The following SAR1B variants were observed in gnomAD, a reference collection of about 807,000 sequenced individuals.
SAR1B encodes secretion associated Ras related GTPase 1B.
Under a neutral mutation model 26.8 loss-of-function variants are expected in SAR1B, and 23 were observed. That is an observed-to-expected ratio of 0.86 (90% CI 0.62 to 1.22). The LOEUF (loss-of-function observed/expected upper bound fraction) is 1.22. Among genes scored for constraint, SAR1B ranks in the 50% most tolerant of loss-of-function variants. SAR1B has a pLI of 0.00. For synonymous variants in SAR1B, 65 were observed against 80.8 expected (o/e 0.80, Z 1.05); for missense variants, 196 against 232.8 (o/e 0.84, Z 1.03).
At chr5:134,622,066 T>C (rs995882636) in intron 2 of SAR1B, among the ~76,000 whole-genome samples, 44 of 152,110 alleles carry the variant, frequency 2.9e-4, no homozygotes, top group African/African-American at 9.7e-4. Context: ...CTCCACAAAA[T>C]TACATGTGAG....
At chr5:134,612,641 T>TAAAAAAAAAAAAAAAACAAA (rs1765234466) in intron 4 of SAR1B, 50 bp downstream of exon 4, 1 of 743,780 alleles carries the variant, frequency 1.3e-6, no homozygotes, top group Non-Finnish European at 1.7e-6. Flanking sequence ...TGAGCCTGTC[T>TAAAAAAAAAAAAAAAACAAA]AAAAAAAAAA....
intron 1 of SAR1B, among the ~76,000 whole-genome samples, chr5:134,624,625 G>GTT (rs66854508): frequency 1.7e-4 from 19 of 113,242 alleles, no homozygotes; most frequent in South Asian, 1.4e-3. Flanking sequence ...AGGGAAGTGA[G>GTT]TTTTTTTTTT....
At chr5:134,608,977 T>A (rs1765172649) in intron 5 of SAR1B, 3 of 413,454 alleles carry the variant, frequency 7.3e-6, no homozygotes, top group Non-Finnish European at 1.4e-5. Context: ...AGAACCTACC[T>A]GGACTTTTCC....
chr5:134,608,907 C>A (rs1003460184), intron 5 of SAR1B: 3 of 363,258 alleles, frequency 8.3e-6, no homozygotes, highest in Non-Finnish European at 1.6e-5. Context: ...TCAAGTAATA[C>A]GCACAGTCTC....
chr5:134,617,590 C>T (rs937706107), intron 3 of SAR1B, among the ~76,000 whole-genome samples: 3 of 152,096 alleles, frequency 2.0e-5, no homozygotes, highest in African/African-American at 4.8e-5. Flanking sequence ...AATAGAGCAA[C>T]GTCAAAAAAT....
intron 2 of SAR1B, among the ~76,000 whole-genome samples, chr5:134,623,209 G>C (rs1765441946): frequency 6.6e-6 from 1 of 151,962 alleles, no homozygotes; most frequent in Non-Finnish European, 1.5e-5. Flanking sequence ...GGGAGGCTGA[G>C]GTGGGCAGAT....
chr5:134,629,129 A>G (rs1316736384), intron 1 of SAR1B, among the ~76,000 whole-genome samples: 3 of 152,000 alleles, frequency 2.0e-5, no homozygotes, highest in South Asian at 2.1e-4. Flanking sequence ...AAAAAAAAAA[A>G]AAGAAGGATG....
At position 134,621,169 on chromosome 5, in the gene SAR1B, C is replaced by G. The variant is rs769200714; in HGVS notation, c.59-117G>C. 5.7e-6 allele frequency: 7 copies of G among 1,230,648 alleles called. No homozygotes were observed. The South Asian group carries it at 8.9e-5, about 16-fold the overall frequency. The allele number at this position is 1,230,648 out of a possible 1,614,324, so 76.2% of individuals were successfully genotyped here. ...AAACCTATTTTCAGTTTTAAAAAAG[C>G]TATTTTAAATCTATTCATGGCCGGG... On this transcript the variant is annotated intron_variant, in intron 2 of 6. Transcript: ENST00000402673.
chr5:134,631,725 G>T (rs1009162178), intron 1 of SAR1B: 1 of 152,192 alleles, frequency 6.6e-6, no homozygotes, highest in African/African-American at 2.4e-5. Flanking sequence ...CAAAGTTTTA[G>T]CTGTTTTAAA....
At position 134,621,114 on chromosome 5, in the gene SAR1B, T is replaced by C. The variant is rs959499444; in HGVS notation, c.59-62A>G. 7.6e-6 allele frequency: 12 copies of C among 1,569,540 alleles called. No individual in the cohort carries two copies. The African/African-American group carries it at 1.1e-4, about 14-fold the overall frequency. ...CTGATACTAATTATCCAAATGAATTTAAATTTGGCCCAATTAAGCTTGAAG... is the reference window on the plus strand; with the variant it reads ...CTGATACTAATTATCCAAATGAATTCAAATTTGGCCCAATTAAGCTTGAAG... On this transcript the variant is annotated intron_variant, in intron 2 of 6. Transcript: ENST00000402673.
rs1186787370 is a variant in SAR1B, at chr5:134,627,861, C to T, written c.-18-3824G>A. Among the ~76,000 whole-genome samples the T allele has an allele frequency of 4.0e-5, 6 of 149,908 alleles. No individual in the cohort carries two copies. The Admixed American group carries it at 4.0e-4, about 10-fold the overall frequency. Reference sequence around the variant, plus strand: ...ATAAATAAAACCACACATTAAGGGCCGGGAGCAGTGGCTCACGCCTGTAAT... The same window carrying T: ...ATAAATAAAACCACACATTAAGGGCTGGGAGCAGTGGCTCACGCCTGTAAT... On this transcript the variant is annotated intron_variant, in intron 1 of 6. Coordinates refer to ENST00000402673, the MANE Select transcript of SAR1B (RefSeq NM_016103.4).
intron 1 of SAR1B, among the ~76,000 whole-genome samples, chr5:134,630,972 G>A (rs369458664): frequency 5.0e-4 from 69 of 137,604 alleles, no homozygotes; most frequent in Middle Eastern, 4.3e-3. Flanking sequence ...ATGATCACAG[G>A]TCACTGTAGT....
intron 1 of SAR1B, among the ~76,000 whole-genome samples, chr5:134,624,625 G>GTTT (rs66854508): frequency 3.5e-5 from 4 of 113,272 alleles, no homozygotes; most frequent in African/African-American, 3.0e-5. Context: ...AGGGAAGTGA[G>GTTT]TTTTTTTTTT....
chr5:134,618,722 G>T (rs1765353153), intron 3 of SAR1B, among the ~76,000 whole-genome samples: 1 of 152,256 alleles, frequency 6.6e-6, no homozygotes, highest in Admixed American at 6.5e-5. Context: ...AGTCAGCCAA[G>T]TGTGGTGGCT....
At chr5:134,620,835 C>A (rs1765393587) in intron 3 of SAR1B, 98 bp downstream of exon 3, 2 of 1,402,008 alleles carry the variant, frequency 1.4e-6, no homozygotes, top group Non-Finnish European at 2.0e-6. Flanking sequence ...GCCTGGGCAA[C>A]AGAGAAAGAC....
chr5:134,613,201 A>C, intron 3 of SAR1B: 1 of 196,042 alleles, frequency 5.1e-6, no homozygotes, highest in South Asian at 9.9e-5. Flanking sequence ...ATTCCAGCCA[A>C]TGGAAACCGG....
intron 3 of SAR1B, among the ~76,000 whole-genome samples, chr5:134,619,105 G>A (rs1370666022): frequency 1.3e-5 from 2 of 151,732 alleles, no homozygotes; most frequent in Admixed American, 6.6e-5. Flanking sequence ...TGAGGTGGGC[G>A]GATCATCTGA....
chr5:134,615,852 G>A (rs1319618043), intron 3 of SAR1B, among the ~76,000 whole-genome samples: 1 of 147,806 alleles, frequency 6.8e-6, no homozygotes, highest in African/African-American at 2.5e-5. Context: ...AATTCTGTAT[G>A]TAGGCCAGGT....
chr5:134,612,845 T>C, intron 3 of SAR1B, 89 bp from the exon 4 acceptor site: 1 of 1,173,430 alleles, frequency 8.5e-7, no homozygotes, highest in Admixed American at 2.1e-5. Flanking sequence ...TTCAAAGACT[T>C]TCCTCCCCAT....
Sources: gnomAD v4.1 joint callset for allele counts (sites outside exome capture counted in the v4.1 genomes callset) on GRCh38, gnomAD v4.1.1 for gene constraint, MANE v1.5 for transcripts, NCBI Gene and HGNC (gene_info 2026-07-23, HGNC 2026-07-21) for gene names.